Variants in CTNNA3 observed in about 807,000 individuals in gnomAD.
The protein encoded by CTNNA3 is catenin alpha-3.
Under a neutral mutation model 95.7 loss-of-function variants are expected in CTNNA3, and 76 were observed. The ratio of observed to expected loss-of-function variants is 0.79; its 90% CI spans 0.66 to 0.96. The LOEUF (loss-of-function observed/expected upper bound fraction) is 0.96. Ranked by LOEUF, CTNNA3 falls within the 40% of genes least tolerant of loss-of-function variation. The pLI is 0.00. For synonymous variants in CTNNA3, 431 were observed against 374.4 expected (o/e 1.15, Z -1.74); for missense variants, 1,191 against 1,089.8 (o/e 1.09, Z -1.31).
intron 17 of CTNNA3, among the ~76,000 whole-genome samples, chr10:65,952,909 G>A (rs1279581857): frequency 6.6e-6 from 1 of 152,124 alleles, no homozygotes; most frequent in Non-Finnish European, 1.5e-5. Context: ...CAGGCTAAGA[G>A]AACGTGATTA....
Position 67,333,612 on chromosome 10 carries a change from CT to C in CTNNA3, c.580-113743del, listed in dbSNP as rs888017883. ...CTGAAGATTAGAAAATTGAATAAGG[CT>C]GATTCTAAAAAGGCATGGAAATTTC... is the stretch of plus-strand genomic sequence containing the variant. On this transcript the variant is annotated intron_variant, in intron 5 of 17. Coordinates refer to ENST00000433211, the MANE Select transcript of CTNNA3 (RefSeq NM_013266.4). 2.8e-4 allele frequency among the ~76,000 whole-genome samples: 42 copies of C among 152,196 alleles called. 1 individual carries two copies. Among genetic ancestry groups the C allele is most frequent in the Admixed American group, 1.4e-3 (22 of 15,286 alleles).
intron 14 of CTNNA3, among the ~76,000 whole-genome samples, chr10:66,090,093 G>A (rs543517029): frequency 3.2e-4 from 49 of 152,042 alleles, no homozygotes; most frequent in Non-Finnish European, 5.7e-4. Flanking sequence ...TAACAGCCCT[G>A]ACAACACAGC....
At chr10:67,315,184 C>T (rs935775955) in intron 5 of CTNNA3, among the ~76,000 whole-genome samples, 4 of 152,182 alleles carry the variant, frequency 2.6e-5, no homozygotes, top group African/African-American at 9.7e-5. Flanking sequence ...TATGTATCTT[C>T]AGCCCAACCT....
rs532852202 is a variant in CTNNA3 at position 66,308,537 on chromosome 10, T to G, written c.1733-27916A>C. ...TTAATATCTGAAAAAGATAGCAATT[T>G]ATAAACAAAAACAAAAACTTATCAA... On this transcript the variant is annotated intron_variant, in intron 12 of 17. Transcript: ENST00000433211. 3.9e-4 allele frequency among the ~76,000 whole-genome samples: 60 copies of G among 152,250 alleles called. No homozygotes were observed. The South Asian group carries it at 0.012, about 30-fold the overall frequency.
At chr10:66,499,866 G>A (rs1301751303) in intron 11 of CTNNA3, among the ~76,000 whole-genome samples, 3 of 148,440 alleles carry the variant, frequency 2.0e-5, no homozygotes, top group African/African-American at 7.5e-5. Context: ...GCAGTGGCAC[G>A]ATCTCCGCTC....
intron 11 of CTNNA3, among the ~76,000 whole-genome samples, chr10:66,491,420 C>T (rs992034564): frequency 1.3e-5 from 2 of 152,126 alleles, no homozygotes; most frequent in Non-Finnish European, 1.5e-5. Context: ...AAAATTTCTC[C>T]AGATGGAGTG....
At chr10:65,949,670 T>C (rs1309130094) in intron 17 of CTNNA3, among the ~76,000 whole-genome samples, 1 of 152,158 alleles carries the variant, frequency 6.6e-6, no homozygotes, top group Non-Finnish European at 1.5e-5. Context: ...GTTGTGAAAT[T>C]GTACAGCAGA....
At chr10:66,367,868 AATAATAATAATAATTATTATT>A (rs201167451) in intron 12 of CTNNA3, among the ~76,000 whole-genome samples, 6,613 of 83,742 alleles carry the variant, frequency 0.079, 230 homozygotes, top group African/African-American at 0.12. Context: ...TAATAATAAT[AATAATAATAATAATTATTATT>A]ATTATTATTA....
At chr10:66,916,143 G>A (rs1846483836) in intron 7 of CTNNA3, among the ~76,000 whole-genome samples, 1 of 152,092 alleles carries the variant, frequency 6.6e-6, no homozygotes, top group Non-Finnish European at 1.5e-5. Context: ...AAGAAAATAG[G>A]AACAATCCTT....
intron 5 of CTNNA3, among the ~76,000 whole-genome samples, chr10:67,362,860 G>A (rs1843041120): frequency 1.3e-5 from 2 of 150,976 alleles, no homozygotes; most frequent in South Asian, 2.1e-4. Context: ...AGAAAACCCT[G>A]AAGTCTCTGC....
At chr10:65,998,446 G>A (rs759867131) in intron 15 of CTNNA3, among the ~76,000 whole-genome samples, 55 of 152,000 alleles carry the variant, frequency 3.6e-4, no homozygotes, top group Non-Finnish European at 7.1e-4. Flanking sequence ...AACCACTTCT[G>A]TCCATATTTC....
At chr10:66,824,566 C>G (rs1223720224) in intron 7 of CTNNA3, among the ~76,000 whole-genome samples, 1 of 152,054 alleles carries the variant, frequency 6.6e-6, no homozygotes, top group Non-Finnish European at 1.5e-5. Flanking sequence ...GCTTACTGTT[C>G]AGAAAAGATT....
intron 12 of CTNNA3, among the ~76,000 whole-genome samples, chr10:66,347,676 A>T (rs4264055): frequency 0.59 from 89,537 of 151,760 alleles, 28,768 homozygotes; most frequent in Non-Finnish European, 0.72. Flanking sequence ...ATATATGTTT[A>T]AAAAAAGTTA....
At chr10:66,022,818 G>A (rs1471685620) in intron 15 of CTNNA3, among the ~76,000 whole-genome samples, 1 of 152,054 alleles carries the variant, frequency 6.6e-6, no homozygotes, top group Non-Finnish European at 1.5e-5. Flanking sequence ...TTATTATTTA[G>A]CTGTTTCCAT....
intron 5 of CTNNA3, among the ~76,000 whole-genome samples, chr10:67,427,546 T>A (rs913783297): frequency 3.3e-5 from 5 of 152,032 alleles, no homozygotes; most frequent in African/African-American, 1.2e-4. Flanking sequence ...CTTCTCGAGA[T>A]TATTTTTCCT....
intron 9 of CTNNA3, among the ~76,000 whole-genome samples, chr10:66,673,866 C>T (rs1846751476): frequency 6.6e-6 from 1 of 151,970 alleles, no homozygotes; most frequent in African/African-American, 2.4e-5. Context: ...ATTAGAAGTT[C>T]AATGGCAATT....
intron 2 of CTNNA3, among the ~76,000 whole-genome samples, chr10:67,613,339 C>T (rs1214948943): frequency 6.6e-6 from 1 of 150,692 alleles, no homozygotes; most frequent in African/African-American, 2.5e-5. Context: ...AGCCAGCGTA[C>T]TGTGAAAAAT....
At chr10:66,106,242 AG>A (rs2133758037) in intron 13 of CTNNA3, among the ~76,000 whole-genome samples, 1 of 151,484 alleles carries the variant, frequency 6.6e-6, no homozygotes, top group African/African-American at 2.4e-5. Context: ...GGGGTGGGAA[AG>A]GAGGGATGAT....
At chr10:66,097,165 T>G (rs2081426727) in intron 14 of CTNNA3, among the ~76,000 whole-genome samples, 1 of 152,122 alleles carries the variant, frequency 6.6e-6, no homozygotes, top group African/African-American at 2.4e-5. Flanking sequence ...GTCCCCTTCT[T>G]GAGGCAAAAA....
Sources: gnomAD v4.1 joint callset for allele counts (sites outside exome capture counted in the v4.1 genomes callset) on GRCh38, gnomAD v4.1.1 for gene constraint, MANE v1.5 for transcripts, NCBI Gene and HGNC (gene_info 2026-07-23, HGNC 2026-07-21) for gene names.